DDHD1: variants seen among roughly 807,000 people sequenced by gnomAD.
DDHD1 encodes DDHD domain containing 1.
Under a neutral mutation model 96.4 loss-of-function variants are expected in DDHD1, and 49 were observed. The observed-to-expected ratio is 0.51, with a 90% CI of 0.40 to 0.64. The LOEUF (loss-of-function observed/expected upper bound fraction) is 0.64. DDHD1 is among the 30% of genes least tolerant of loss of function. The pLI is 0.00. For missense variants in DDHD1, 1,106 were observed against 1,161.2 expected, an observed-to-expected ratio of 0.95 and a Z score of 0.69; for synonymous variants, 442 against 446.5, an observed-to-expected ratio of 0.99 and a Z score of 0.13.
chr14:53,050,870 T>C (rs756256165), intron 12 of DDHD1, among the ~76,000 whole-genome samples: 3 of 152,014 alleles, frequency 2.0e-5, no homozygotes, highest in African/African-American at 4.8e-5. Context: ...GGCTACTTGG[T>C]TGCAGGACAA....
Position 53,152,868 on chromosome 14 carries a change from G to T in DDHD1, c.231C>A (p.His77Gln), listed in dbSNP as rs1267858224. 6.2e-7 allele frequency: 1 copy of T among 1,610,914 alleles called. No individual in the cohort carries two copies. The highest frequency in any genetic ancestry group is 1.1e-5 in the South Asian group (1 of 90,852). The change falls in exon 1 of 13, where the codon CAC (histidine) becomes CAA (glutamine). Residue 77 changes from histidine (H) to glutamine (Q), a missense_variant. Physicochemically the swap from His to Gln is conservative, Grantham distance 24. Coordinates refer to ENST00000673822, the MANE Select transcript of DDHD1 (RefSeq NM_001160148.2). Reference protein sequence around the residue: ...LAPGTDDHNHHLALDPCLSDE... With the variant: ...LAPGTDDHNHQLALDPCLSDE... Reference sequence around the variant, plus strand: ...CACTGAGGCAGGGGTCCAGCGCGAGGTGGTGGTTGTGGTCGTCGGTGCCCG... The same window carrying T: ...CACTGAGGCAGGGGTCCAGCGCGAGTTGGTGGTTGTGGTCGTCGGTGCCCG...
intron 4 of DDHD1, among the ~76,000 whole-genome samples, chr14:53,081,754 T>C (rs1336931330): frequency 6.6e-6 from 1 of 152,300 alleles, no homozygotes; most frequent in South Asian, 2.1e-4. Flanking sequence ...ACTTACACAA[T>C]CCTTCACTCC....
At chr14:53,091,106 A>G (rs551448929) in intron 4 of DDHD1, among the ~76,000 whole-genome samples, 8 of 152,186 alleles carry the variant, frequency 5.3e-5, no homozygotes, top group Non-Finnish European at 8.8e-5. Flanking sequence ...GGCATCATCT[A>G]TAACTGATTA....
rs765822432 is a variant in DDHD1, at chr14:53,152,964, G to T, written c.135C>A (p.Pro45=). ...CGTCGCCGTCGTCCGGGTCCCCGCC[G>T]GGCAGGTGCTCGAAGCAGCAGACGC... ...GGGVCCFEHL[P]GGDPDDGDVP... The change falls in exon 1 of 13, where the codon CCC becomes CCA. Residue 45 remains proline (P), a synonymous_variant. Transcript: ENST00000673822. The T allele has an allele frequency of 3.2e-6, 5 of 1,584,860 alleles. No individual in the cohort carries two copies. Among genetic ancestry groups the T allele is most frequent in the South Asian group, 2.3e-5 (2 of 87,848 alleles).
chr14:53,042,589 A>G lies in DDHD1; in HGVS notation c.*4179T>C, dbSNP rs1405025381. Reference sequence around the variant, plus strand: ...TATCACAAGCATCTACTGAAGACTGAAAGAGAAAGCATATAACCCAGGCTG... The same window carrying G: ...TATCACAAGCATCTACTGAAGACTGGAAGAGAAAGCATATAACCCAGGCTG... On this transcript the variant is annotated 3_prime_UTR_variant, in exon 13 of 13. Coordinates refer to ENST00000673822, the MANE Select transcript of DDHD1 (RefSeq NM_001160148.2). 2.0e-5 allele frequency: 3 copies of G among 152,242 alleles called. No homozygotes were observed. The highest frequency in any genetic ancestry group is 4.4e-5 in the Non-Finnish European group (3 of 68,052). The allele number at this position is 152,242 out of a possible 1,614,324, so 9.4% of individuals were successfully genotyped here. A position where few individuals can be genotyped will look rare whatever the true frequency, so the allele number is the denominator to read the frequency against.
chr14:53,140,258 A>G (rs7161567), intron 1 of DDHD1, among the ~76,000 whole-genome samples: 116,528 of 152,184 alleles, frequency 0.77, 46,108 homozygotes, highest in East Asian at 0.96. Context: ...GAAAGGCCTG[A>G]TGCAGCGGCT....
At chr14:53,061,050 T>C in intron 8 of DDHD1, 76 bp downstream of exon 8, 1 of 1,264,256 alleles carries the variant, frequency 7.9e-7, no homozygotes, top group East Asian at 2.4e-5. Flanking sequence ...TTCATTTGAA[T>C]CCTAAAGGCA....
intron 1 of DDHD1, among the ~76,000 whole-genome samples, chr14:53,110,723 C>T (rs1595192896): frequency 6.6e-6 from 1 of 152,156 alleles, no homozygotes; most frequent in Non-Finnish European, 1.5e-5. Flanking sequence ...AACCTGTAAT[C>T]CCAGCACTTA....
intron 2 of DDHD1, among the ~76,000 whole-genome samples, chr14:53,102,871 G>T (rs1001347813): frequency 1.3e-5 from 2 of 151,676 alleles, no homozygotes; most frequent in Non-Finnish European, 2.9e-5. Flanking sequence ...TGTTTTAGGA[G>T]GGGAAGGGAA....
chr14:53,054,749 G>A (rs944595940), intron 10 of DDHD1, 120 bp from the exon 11 acceptor site: 7 of 882,712 alleles, frequency 7.9e-6, no homozygotes, highest in Admixed American at 2.6e-5. Flanking sequence ...TGTTTTTCCA[G>A]GGTGGGAACA....
At chr14:53,098,990 T>C (rs1391705326) in intron 2 of DDHD1, among the ~76,000 whole-genome samples, 2 of 152,086 alleles carry the variant, frequency 1.3e-5, no homozygotes, top group Non-Finnish European at 2.9e-5. Context: ...ATATTTGTTG[T>C]TATTGATATG....
At chr14:53,135,724 A>C (rs1303985280) in intron 1 of DDHD1, among the ~76,000 whole-genome samples, 2 of 152,278 alleles carry the variant, frequency 1.3e-5, no homozygotes, top group East Asian at 3.8e-4. Flanking sequence ...TAAATCAGTT[A>C]AACTGGAAGA....
At chr14:53,074,205 C>G (rs1884761397) in intron 4 of DDHD1, among the ~76,000 whole-genome samples, 1 of 151,816 alleles carries the variant, frequency 6.6e-6, no homozygotes, top group Non-Finnish European at 1.5e-5. Context: ...ATCTATTGCT[C>G]TCTTCATCCT....
chr14:53,139,361 C>T (rs1444052476), intron 1 of DDHD1, among the ~76,000 whole-genome samples: 2 of 152,100 alleles, frequency 1.3e-5, no homozygotes, highest in South Asian at 2.1e-4. Flanking sequence ...GAAGAACCTT[C>T]TTGAGATAAA....
chr14:53,040,405 T>C lies in DDHD1; in HGVS notation c.*6363A>G, dbSNP rs1881568589. On this transcript the variant is annotated 3_prime_UTR_variant, in exon 13 of 13. Transcript: ENST00000673822. ...TTTGGAAGAGTTACCACAAACTGTA[T>C]GATGAGGATTATTTTCTCCAGAATG... 1 of 152,176 alleles carries C rather than the reference T, an allele frequency of 6.6e-6. No homozygotes were observed. The highest frequency in any genetic ancestry group is 6.6e-5 in the Admixed American group (1 of 15,266). 9.4% of individuals were successfully genotyped at this position (152,176 alleles called of 1,614,324 possible).
intron 1 of DDHD1, among the ~76,000 whole-genome samples, chr14:53,115,727 G>A (rs1352832613): frequency 1.3e-5 from 2 of 151,964 alleles, no homozygotes; most frequent in African/African-American, 4.8e-5. Flanking sequence ...CCTGAAGGAA[G>A]CACTAAATAT....
chr14:53,087,567 T>C (rs1316252990), intron 4 of DDHD1, among the ~76,000 whole-genome samples: 1 of 152,052 alleles, frequency 6.6e-6, no homozygotes, highest in Non-Finnish European at 1.5e-5. Context: ...GACTACTGGG[T>C]ACATAACGAA....
rs754862199 is a variant in DDHD1 at position 53,152,652 on chromosome 14, G to T, written c.447C>A (p.Gly149=). The stretch of plus-strand genomic sequence containing the variant: ...CATAGCGGTGCCGGGCCGCCGGGCC[G>T]CCAAGCCGGGTACGTTTCCTTTCCC... ...SPGERKRTRL[G]GPAARHRYEV... is the part of the protein sequence containing the mutation. The change falls in exon 1 of 13, where the codon GGC becomes GGA. Residue 149 remains glycine (G), a synonymous_variant. Coordinates refer to ENST00000673822, the MANE Select transcript of DDHD1 (RefSeq NM_001160148.2). The T allele has an allele frequency of 1.1e-5, 18 of 1,612,880 alleles. No individual in the cohort carries two copies. The highest frequency in any genetic ancestry group is 1.4e-5 in the Non-Finnish European group (17 of 1,179,848).
intron 5 of DDHD1, among the ~76,000 whole-genome samples, chr14:53,073,536 C>T (rs987750999): frequency 6.6e-6 from 1 of 151,946 alleles, no homozygotes; most frequent in African/African-American, 2.4e-5. Flanking sequence ...ATGTAATGGT[C>T]CAAATGATAT....
Sources: allele counts gnomAD v4.1 joint callset (sites outside exome capture counted in the v4.1 genomes callset), GRCh38; gene constraint gnomAD v4.1.1; transcripts MANE v1.5; gene names NCBI Gene and HGNC (gene_info 2026-07-23, HGNC 2026-07-21).